The following REDIC1 variants were observed in gnomAD, a reference collection of about 807,000 sequenced individuals.
REDIC1 encodes regulator of DNA class I crossover intermediates 1.
At chr12:39,640,103 T>C in the REDIC1 span, among the ~76,000 whole-genome samples, 1 of 151,594 alleles carries the variant, frequency 6.6e-6, no homozygotes, top group African/African-American at 2.4e-5. Context: ...TCAATTTTTG[T>C]CTTTCCCCCA....
the REDIC1 span, among the ~76,000 whole-genome samples, chr12:39,816,219 A>G: frequency 6.6e-6 from 1 of 152,106 alleles, no homozygotes; most frequent in African/African-American, 2.4e-5. Context: ...ACAGGTACTG[A>G]TGTGCTACAG....
At chr12:39,853,878 G>C in the REDIC1 span, among the ~76,000 whole-genome samples, 10 of 151,988 alleles carry the variant, frequency 6.6e-5, no homozygotes, top group Admixed American at 2.6e-4. Context: ...CAATTAAATG[G>C]CATGTGTAGT....
At chr12:39,753,659 C>T in the REDIC1 span, among the ~76,000 whole-genome samples, 1 of 152,142 alleles carries the variant, frequency 6.6e-6, no homozygotes, top group Non-Finnish European at 1.5e-5. Context: ...ATTTTATAAG[C>T]AAATTGCCTG....
At chr12:39,882,569 T>G in the REDIC1 span, among the ~76,000 whole-genome samples, 3 of 152,144 alleles carry the variant, frequency 2.0e-5, no homozygotes, top group African/African-American at 4.8e-5. Context: ...AAAGGATGCT[T>G]TCATAGCATT....
At chr12:39,705,296 A>T in the REDIC1 span, among the ~76,000 whole-genome samples, 5 of 152,046 alleles carry the variant, frequency 3.3e-5, no homozygotes, top group African/African-American at 1.2e-4. Flanking sequence ...TCCAATAACG[A>T]GTAACTAGAT....
chr12:39,694,142 T>C, the REDIC1 span, among the ~76,000 whole-genome samples: 1 of 152,220 alleles, frequency 6.6e-6, no homozygotes, highest in African/African-American at 2.4e-5. Context: ...TGGCATTTTT[T>C]TTCTTGGTAT....
the REDIC1 span, among the ~76,000 whole-genome samples, chr12:39,685,449 A>G: frequency 6.6e-6 from 1 of 152,168 alleles, no homozygotes; most frequent in Non-Finnish European, 1.5e-5. Flanking sequence ...TTAAATGACC[A>G]GATCACAGGA....
the REDIC1 span, among the ~76,000 whole-genome samples, chr12:39,712,973 GTATATATACAT>G: frequency 5.2e-5 from 1 of 19,296 alleles, no homozygotes; most frequent in East Asian, 1.6e-3. Context: ...ACGTGTATAT[GTATATATACAT>G]GTGTATATAC....
chr12:39,888,514 T>C, the REDIC1 span, among the ~76,000 whole-genome samples: 2 of 152,206 alleles, frequency 1.3e-5, no homozygotes, highest in Non-Finnish European at 2.9e-5. Flanking sequence ...CTTGAGCCAC[T>C]GTGTCCAGCC....
At chr12:39,631,499 C>G in the REDIC1 span, among the ~76,000 whole-genome samples, 3 of 151,504 alleles carry the variant, frequency 2.0e-5, no homozygotes, top group Admixed American at 6.6e-5. Context: ...ATTGAAGGAG[C>G]CTACAGTTTT....
At chr12:39,846,257 A>T in the REDIC1 span, among the ~76,000 whole-genome samples, 2 of 152,116 alleles carry the variant, frequency 1.3e-5, no homozygotes, top group South Asian at 4.1e-4. Flanking sequence ...TTCACCTTTG[A>T]CCATAAGGAA....
At chr12:39,746,561 CAGCTT>C in the REDIC1 span, among the ~76,000 whole-genome samples, 1 of 152,200 alleles carries the variant, frequency 6.6e-6, no homozygotes, top group Non-Finnish European at 1.5e-5. Flanking sequence ...CCCTGTCTGA[CAGCTT>C]TGAAGAGAGT....
the REDIC1 span, among the ~76,000 whole-genome samples, chr12:39,848,429 A>G: frequency 1.1e-3 from 173 of 152,308 alleles, 2 homozygotes; most frequent in African/African-American, 3.7e-3. Context: ...AAAAAATTCC[A>G]TATCACTAAT....
the REDIC1 span, among the ~76,000 whole-genome samples, chr12:39,822,839 T>C: frequency 1.3e-5 from 2 of 152,244 alleles, no homozygotes; most frequent in African/African-American, 4.8e-5. Flanking sequence ...ATATCGCTAC[T>C]TGGATAAAAC....
chr12:39,691,234 G>A, the REDIC1 span, among the ~76,000 whole-genome samples: 1 of 152,142 alleles, frequency 6.6e-6, no homozygotes, highest in African/African-American at 2.4e-5. Context: ...TTCCAAGGGA[G>A]GCCGGGAAAT....
At chr12:39,643,875 C>T in the REDIC1 span, 12 of 1,575,870 alleles carry the variant, frequency 7.6e-6, no homozygotes, top group Non-Finnish European at 1.0e-5. Context: ...CATTCTTAAC[C>T]TATATATGGT....
chr12:39,896,533 T>TATAC, the REDIC1 span, among the ~76,000 whole-genome samples: 1 of 141,372 alleles, frequency 7.1e-6, no homozygotes, highest in Admixed American at 7.3e-5. Flanking sequence ...TGTATACATG[T>TATAC]ATGTATGTAT....
the REDIC1 span, among the ~76,000 whole-genome samples, chr12:39,705,339 A>T: frequency 3.9e-5 from 6 of 152,056 alleles, no homozygotes; most frequent in Non-Finnish European, 8.8e-5. Context: ...CCAGGAAATA[A>T]AGCCTGGGAC....
At chr12:39,668,050 T>C in the REDIC1 span, among the ~76,000 whole-genome samples, 9 of 151,966 alleles carry the variant, frequency 5.9e-5, no homozygotes, top group African/African-American at 2.2e-4. Flanking sequence ...TTAATTGGAG[T>C]ATTTAGCCCA....
Sources: allele counts gnomAD v4.1 joint callset (sites outside exome capture counted in the v4.1 genomes callset), GRCh38; gene constraint gnomAD v4.1.1; transcripts MANE v1.5; gene names NCBI Gene and HGNC (gene_info 2026-07-23, HGNC 2026-07-21).